TRIM37: variants seen among roughly 807,000 people sequenced by gnomAD.
TRIM37 encodes the protein E3 ubiquitin-protein ligase TRIM37.
In TRIM37, 80 loss-of-function variants were observed where a neutral mutation model predicts 129.8. The observed-to-expected ratio is 0.62, with a 90% CI of 0.51 to 0.74. The LOEUF (loss-of-function observed/expected upper bound fraction) is 0.74, where lower values mean the gene tolerates loss of function less well. Among genes scored for constraint, TRIM37 ranks in the 30% least tolerant of loss-of-function variants. TRIM37 has a pLI of 0.00. For missense variants in TRIM37, 1,054 were observed against 1,176.5 expected (o/e 0.90, Z 1.52); for synonymous variants, 389 against 387.1 (o/e 1.00, Z -0.06).
In TRIM37 at chr17:58,984,772, T is replaced by G. The variant is rs3809722; in HGVS notation, c.2892-1851A>C. On this transcript the variant is annotated intron_variant, in intron 24 of 24. Coordinates refer to the TRIM37 transcript ENST00000393066. ...ACTGTTACTTCTTAAAGCAGCATTT[T>G]ATCTTCTATTTTGAAGACTATTTAT... The G allele has an allele frequency of 9.1e-3, 1,396 of 152,616 alleles. 66 individuals are homozygous for G. The East Asian group carries it at 0.12, about 13-fold the overall frequency. The allele number at this position is 152,616 out of a possible 1,614,324, so 9.5% of individuals were successfully genotyped here. A position where few individuals can be genotyped will look rare whatever the true frequency, so the allele number is the denominator to read the frequency against.
chr17:59,061,927 A>G (rs1044192326), intron 11 of TRIM37, among the ~76,000 whole-genome samples: 2 of 152,048 alleles, frequency 1.3e-5, no homozygotes, highest in Non-Finnish European at 2.9e-5. Context: ...CATGATAATC[A>G]CTCAGTAGAT....
chr17:59,037,374 C>T (rs527440997), intron 17 of TRIM37, among the ~76,000 whole-genome samples: 12 of 151,100 alleles, frequency 7.9e-5, no homozygotes, highest in South Asian at 4.2e-4. Flanking sequence ...CTGGCTAACA[C>T]GGTGAAACCC....
At position 58,999,082 on chromosome 17, in the gene TRIM37, G is replaced by T; in HGVS notation, c.*295C>A. The T allele has an allele frequency of 8.2e-7, 1 of 1,212,282 alleles. No individual in the cohort carries two copies. The highest frequency in any genetic ancestry group is 1.0e-6 in the Non-Finnish European group (1 of 966,298). The allele number at this position is 1,212,282 out of a possible 1,614,324, so 75.1% of individuals were successfully genotyped here. A position where few individuals can be genotyped will look rare whatever the true frequency, so the allele number is the denominator to read the frequency against. On this transcript the variant is annotated 3_prime_UTR_variant, in exon 24 of 24. Transcript: ENST00000262294. ...TTTTCTGGCAGTTAACCAGCCTTCT[G>T]CTGTAGTAGACAAACTGCCTTTTGT...
At chr17:58,969,227 A>G in the TRIM37 span, among the ~76,000 whole-genome samples, 1 of 152,042 alleles carries the variant, frequency 6.6e-6, no homozygotes, top group African/African-American at 2.4e-5. Context: ...TGTAACAGCA[A>G]TTTTGAAGCA....
chr17:59,052,343 A>G (rs530234846), intron 13 of TRIM37, among the ~76,000 whole-genome samples: 1 of 152,218 alleles, frequency 6.6e-6, no homozygotes, highest in African/African-American at 2.4e-5. Context: ...AGGAAAAACC[A>G]CAAGGCAAGA....
chr17:58,969,823 G>C, the TRIM37 span: 1 of 1,163,964 alleles, frequency 8.6e-7, no homozygotes, highest in Non-Finnish European at 1.2e-6. Context: ...TCTCTTTCTG[G>C]GCAGACATTA....
chr17:59,098,171 A>G (rs2045088857), intron 2 of TRIM37, among the ~76,000 whole-genome samples: 1 of 152,230 alleles, frequency 6.6e-6, no homozygotes, highest in Admixed American at 6.5e-5. Context: ...ATGTACTTAG[A>G]ATAGTCAATG....
At chr17:58,980,395 G>A (rs1255671763), downstream of TRIM37, 1 of 1,614,130 alleles carries the variant, frequency 6.2e-7, no homozygotes, top group South Asian at 1.1e-5. The surrounding 1 kb of genome is among the most constrained non-coding windows in gnomAD (Gnocchi z 4.7). Context: ...GCTATGATGG[G>A]CGTGTGGATT....
At chr17:59,053,457 T>C (rs2040544638) in intron 13 of TRIM37, among the ~76,000 whole-genome samples, 1 of 152,212 alleles carries the variant, frequency 6.6e-6, no homozygotes, top group Non-Finnish European at 1.5e-5. Context: ...GTAAATTCTG[T>C]TTTTATCTGC....
chr17:59,008,329 A>G (rs1598854812), intron 22 of TRIM37, among the ~76,000 whole-genome samples: 1 of 152,226 alleles, frequency 6.6e-6, no homozygotes, highest in South Asian at 2.1e-4. Flanking sequence ...AACACCCCAC[A>G]TATAAAGATA....
At chr17:59,011,792 CTTT>C (rs1225863467) in intron 22 of TRIM37, among the ~76,000 whole-genome samples, 3 of 152,180 alleles carry the variant, frequency 2.0e-5, no homozygotes, top group African/African-American at 4.8e-5. Context: ...TGGAATGCTT[CTTT>C]AAGAAGAATA....
At chr17:58,975,507 A>G in the TRIM37 span, among the ~76,000 whole-genome samples, 1 of 152,338 alleles carries the variant, frequency 6.6e-6, no homozygotes, top group East Asian at 1.9e-4. Flanking sequence ...CTAAGAGTGG[A>G]TAAGGGAGAC....
intron 2 of TRIM37, among the ~76,000 whole-genome samples, chr17:59,094,744 G>C (rs1165635886): frequency 6.6e-6 from 1 of 151,794 alleles, no homozygotes; most frequent in Admixed American, 6.6e-5. Context: ...AAACAGATTT[G>C]GCATGGTGAA....
At chr17:58,979,450 G>A (rs933283495), downstream of TRIM37, among the ~76,000 whole-genome samples, 12 of 152,080 alleles carry the variant, frequency 7.9e-5, no homozygotes, top group Non-Finnish European at 1.6e-4. Flanking sequence ...ACCTTCCTTC[G>A]TGCTCGCAGC....
chr17:58,970,559 A>G, the TRIM37 span, among the ~76,000 whole-genome samples: 1 of 152,206 alleles, frequency 6.6e-6, no homozygotes, highest in East Asian at 1.9e-4. Flanking sequence ...TAATCATTTA[A>G]TCCATTTTTT....
chr17:59,104,185 G>A, intron 2 of TRIM37, 108 bp downstream of exon 2: 7 of 1,022,240 alleles, frequency 6.8e-6, no homozygotes, highest in Non-Finnish European at 1.0e-5. Context: ...CACAGTGCAA[G>A]CAAGCACTTT....
chr17:59,043,058 G>A (rs2039426987), intron 16 of TRIM37, among the ~76,000 whole-genome samples: 1 of 152,014 alleles, frequency 6.6e-6, no homozygotes, highest in Non-Finnish European at 1.5e-5. Flanking sequence ...CCAAATTACT[G>A]TATATGACTA....
Position 59,106,740 on chromosome 17 carries a change from C to G in TRIM37, c.-279G>C, listed in dbSNP as rs907872332. On this transcript the variant is annotated 5_prime_UTR_variant, in exon 1 of 24. Transcript: ENST00000262294. ...CCCGGCTCAGCCGCCGGCCAGCAGCCGCGCCGGAACCTCGGCCCACGTGAC... is the reference window on the plus strand; with the variant it reads ...CCCGGCTCAGCCGCCGGCCAGCAGCGGCGCCGGAACCTCGGCCCACGTGAC... The G allele has an allele frequency of 8.8e-6, 5 of 569,058 alleles. No individual in the cohort carries two copies. In the Admixed American group the frequency reaches 9.3e-5, roughly 11 times the overall value. The allele number at this position is 569,058 out of a possible 1,614,324, so 35.3% of individuals were successfully genotyped here.
intron 21 of TRIM37, among the ~76,000 whole-genome samples, chr17:59,012,767 C>T (rs994153569): frequency 7.2e-5 from 11 of 151,864 alleles, no homozygotes; most frequent in African/African-American, 2.7e-4. Flanking sequence ...ATCCCAGCTA[C>T]TCGGGAGGCT....
Sources: allele counts gnomAD v4.1 joint callset (sites outside exome capture counted in the v4.1 genomes callset), GRCh38; gene constraint gnomAD v4.1.1; non-coding constraint Gnocchi (gnomAD v3.1); transcripts MANE v1.5; gene names NCBI Gene and HGNC (gene_info 2026-07-23, HGNC 2026-07-21).